ZFHX3: variants seen among roughly 807,000 people sequenced by gnomAD.
ZFHX3 encodes zinc finger homeobox protein 3.
A neutral mutation model predicts 279.1 loss-of-function variants in ZFHX3; 42 were observed. That is an observed-to-expected ratio of 0.15 (90% CI 0.12 to 0.19). ZFHX3 has a LOEUF of 0.19. Among genes scored for constraint, ZFHX3 ranks in the 10% least tolerant of loss-of-function variants. The pLI, the probability that ZFHX3 is intolerant of heterozygous loss-of-function variation, is 1.00. For synonymous variants in ZFHX3, 2,293 were observed against 1,957.8 expected, an observed-to-expected ratio of 1.17 and a Z score of -4.52; for missense variants, 4,981 against 4,754.0, an observed-to-expected ratio of 1.05 and a Z score of -1.40.
chr16:73,258,508 C>A (rs1335220721), intron 4 of ZFHX3, among the ~76,000 whole-genome samples: 1 of 152,014 alleles, frequency 6.6e-6, no homozygotes, highest in East Asian at 1.9e-4. Flanking sequence ...CACCACCACA[C>A]CTGGCTAATT....
intron 2 of ZFHX3, among the ~76,000 whole-genome samples, chr16:73,519,883 T>C (rs1329095175): frequency 6.6e-6 from 1 of 152,220 alleles, no homozygotes; most frequent in Admixed American, 6.5e-5. Context: ...TCGTTTCATT[T>C]TTCAAAACAA....
chr16:72,800,659 A>C (rs779216591), intron 7 of ZFHX3, among the ~76,000 whole-genome samples: 1 of 152,222 alleles, frequency 6.6e-6, no homozygotes, highest in Admixed American at 6.5e-5. Context: ...AAGGCTAGGG[A>C]CACGCAGACA....
At chr16:73,353,918 C>T (rs1390186304) in intron 3 of ZFHX3, among the ~76,000 whole-genome samples, 2 of 152,132 alleles carry the variant, frequency 1.3e-5, no homozygotes, top group Admixed American at 6.5e-5. Flanking sequence ...ATACGCCATG[C>T]GCTGCATTGT....
intron 2 of ZFHX3, among the ~76,000 whole-genome samples, chr16:73,572,109 C>T (rs2051744885): frequency 1.3e-5 from 2 of 150,100 alleles, no homozygotes; most frequent in African/African-American, 4.9e-5. Context: ...TTCCCTAATG[C>T]CACTTAAAAA....
chr16:72,793,830 G>A lies in ZFHX3; in HGVS notation c.8852C>T (p.Thr2951Ile). Residue 2951 changes from threonine to isoleucine, a missense_variant, in exon 9 of 10, where the codon ACT becomes ATT. By Grantham distance (89) the Thr-to-Ile change is moderately conservative. Coordinates refer to ENST00000268489, the MANE Select transcript of ZFHX3 (RefSeq NM_006885.4). This position sits in a 1 kb window ranked among gnomAD's most constrained non-coding sequence, Gnocchi z 4.3. ...GDRPGQKRFR[T>I]QMTNLQLKVL... ...CTTCAGCTGCAGATTGGTCATTTGA[G>A]TGCGAAAACGTTTCTGCCCAGGCCG... 1 of 1,614,176 alleles carries A rather than the reference G, an allele frequency of 6.2e-7. No individual in the cohort carries two copies.
intron 5 of ZFHX3, among the ~76,000 whole-genome samples, chr16:72,828,134 C>G (rs140315428): frequency 6.6e-6 from 1 of 152,218 alleles, no homozygotes; most frequent in East Asian, 1.9e-4. Flanking sequence ...AGTCCAACAC[C>G]GAACATGATT....
intron 1 of ZFHX3, among the ~76,000 whole-genome samples, chr16:73,014,673 G>C (rs921599807): frequency 4.0e-5 from 6 of 151,046 alleles, no homozygotes; most frequent in Non-Finnish European, 8.9e-5. Context: ...ATTACAGGCA[G>C]GCACCACCAT....
intron 5 of ZFHX3, among the ~76,000 whole-genome samples, chr16:73,214,213 A>G (rs544671312): frequency 1.3e-5 from 2 of 152,162 alleles, no homozygotes; most frequent in Non-Finnish European, 2.9e-5. Context: ...GCTTGGGCCA[A>G]GAGTCAAAGT....
At chr16:73,249,514 T>G (rs2013415178) in intron 5 of ZFHX3, among the ~76,000 whole-genome samples, 2 of 152,112 alleles carry the variant, frequency 1.3e-5, no homozygotes, top group South Asian at 4.2e-4. Flanking sequence ...CCTTATAAAG[T>G]TATCAGATCT....
At chr16:73,769,179 T>C (rs557829297) in intron 1 of ZFHX3, among the ~76,000 whole-genome samples, 2 of 152,276 alleles carry the variant, frequency 1.3e-5, no homozygotes, top group South Asian at 2.1e-4. Context: ...CTAAGACCCA[T>C]AGACAGCAAG....
In ZFHX3 at chr16:73,420,757, C is replaced by G. The variant is rs543126866; in HGVS notation, c.-1291+35246G>C. On this transcript the variant is annotated intron_variant, in intron 3 of 17. Transcript: ENST00000641206. ...AATATGTTTCGGGAAAGGTCAGAAA[C>G]TCTTCAGTCGTCTTCACGCTTCCAC... 7 of 152,312 alleles carry G rather than the reference C, an allele frequency of 4.6e-5. 1 individual carries two copies. The South Asian group carries it at 1.5e-3, about 32-fold the overall frequency. The allele number at this position is 152,312 out of a possible 1,614,324, so 9.4% of individuals were successfully genotyped here. A position where few individuals can be genotyped will look rare whatever the true frequency, so the allele number is the denominator to read the frequency against.
At chr16:73,255,097 G>A (rs756851628) in intron 5 of ZFHX3, among the ~76,000 whole-genome samples, 4 of 152,160 alleles carry the variant, frequency 2.6e-5, no homozygotes, top group Admixed American at 6.5e-5. Context: ...GTGACTAGCC[G>A]GCAAAGAATA....
chr16:73,091,643 T>C (rs976470221), intron 8 of ZFHX3, among the ~76,000 whole-genome samples: 13 of 152,320 alleles, frequency 8.5e-5, no homozygotes, highest in Admixed American at 5.2e-4. Context: ...TAGTTAACCT[T>C]AGTTGTGGTG....
intron 2 of ZFHX3, among the ~76,000 whole-genome samples, chr16:73,594,542 T>G (rs1016253678): frequency 2.0e-5 from 3 of 152,170 alleles, no homozygotes; most frequent in Non-Finnish European, 4.4e-5. Context: ...CATAAAGCCA[T>G]ATTAATCAGA....
At chr16:72,822,612 G>GC (rs2036823202) in intron 5 of ZFHX3, among the ~76,000 whole-genome samples, 1 of 152,134 alleles carries the variant, frequency 6.6e-6, no homozygotes, top group African/African-American at 2.4e-5. Flanking sequence ...AACAAAGCAG[G>GC]CAAGATTAAC....
At chr16:72,950,209 C>T (rs1960914854) in intron 3 of ZFHX3, among the ~76,000 whole-genome samples, 1 of 152,090 alleles carries the variant, frequency 6.6e-6, no homozygotes, top group Admixed American at 6.5e-5. Flanking sequence ...CCTAGAGGCG[C>T]TGTCAACAAA....
chr16:73,294,013 A>AC (rs1232464938), intron 4 of ZFHX3: 4 of 141,686 alleles, frequency 2.8e-5, no homozygotes, highest in African/African-American at 7.9e-5. Flanking sequence ...AAAAAAAAAA[A>AC]CCACAAAGCT....
chr16:73,267,734 G>A (rs576847209), intron 4 of ZFHX3, among the ~76,000 whole-genome samples: 1 of 152,260 alleles, frequency 6.6e-6, no homozygotes, highest in South Asian at 2.1e-4. Context: ...AGGGGACGCT[G>A]GGCTAGACCA....
In ZFHX3 at chr16:72,933,813, C is replaced by CTTTTTTTTTTTTTTTTTTT. The variant is rs71391468; in HGVS notation, c.3216+16637_3216+16655dup. On this transcript the variant is annotated intron_variant, in intron 3 of 9. Coordinates refer to ENST00000268489, the MANE Select transcript of ZFHX3 (RefSeq NM_006885.4). ...TATGAAATGTTTAGCTCACAACTTT[C>CTTTTTTTTTTTTTTTTTTT]TTTTTTTTTTTTTTTTTTTTTTTGA... 1.7e-3 allele frequency among the ~76,000 whole-genome samples: 187 copies of CTTTTTTTTTTTTTTTTTTT among 112,468 alleles called. 9 individuals carry two copies. The highest frequency in any genetic ancestry group is 5.8e-3 in the Middle Eastern group (1 of 172). 73.8% of individuals were successfully genotyped at this position (112,468 alleles called of 152,430 possible). A position where few individuals can be genotyped will look rare whatever the true frequency, so the allele number is the denominator to read the frequency against.
Sources: gnomAD v4.1 joint callset for allele counts (sites outside exome capture counted in the v4.1 genomes callset) on GRCh38, gnomAD v4.1.1 for gene constraint, Gnocchi (gnomAD v3.1) non-coding constraint, MANE v1.5 for transcripts, NCBI Gene and HGNC (gene_info 2026-07-23, HGNC 2026-07-21) for gene names.